Variants in TMEM117 observed in about 807,000 individuals in gnomAD.
The protein encoded by TMEM117 is transmembrane protein 117.
TMEM117 carries 27 observed loss-of-function variants against 52.4 expected under a neutral mutation model. That is an observed-to-expected ratio of 0.51 (90% CI 0.38 to 0.71). The LOEUF (loss-of-function observed/expected upper bound fraction) is 0.71. Among genes scored for constraint, TMEM117 ranks in the 30% least tolerant of loss-of-function variants. The pLI is 0.00. For synonymous variants in TMEM117, 215 were observed against 206.3 expected (o/e 1.04, Z -0.36); for missense variants, 556 against 630.5 (o/e 0.88, Z 1.26).
chr12:43,806,069 G>C, the TMEM117 span: 10 of 1,517,560 alleles, frequency 6.6e-6, no homozygotes, highest in African/African-American at 1.1e-4. Context: ...CGGGAAGCAG[G>C]AGCGCGGAGA....
intron 3 of TMEM117, among the ~76,000 whole-genome samples, chr12:44,046,138 ACT>A (rs750169506): frequency 6.6e-6 from 1 of 152,176 alleles, no homozygotes; most frequent in Non-Finnish European, 1.5e-5. Flanking sequence ...GGCACCACTC[ACT>A]GTCACCCCAG....
At chr12:43,935,305 T>A (rs1944933874) in intron 2 of TMEM117, among the ~76,000 whole-genome samples, 1 of 152,242 alleles carries the variant, frequency 6.6e-6, no homozygotes, top group African/African-American at 2.4e-5. Context: ...TTGTGATGAA[T>A]TCTTAATATA....
In TMEM117 at chr12:44,209,187, A is replaced by G. The variant is rs1949613310; in HGVS notation, c.511-2103A>G. On this transcript the variant is annotated intron_variant, in intron 4 of 7. Coordinates refer to ENST00000266534, the MANE Select transcript of TMEM117 (RefSeq NM_032256.3). ...AATTTCTTCCTCTAGAGAAGTTACG[A>G]TATAAAGCTCTTTTTATACCTAAGA... Among the ~76,000 whole-genome samples the G allele has an allele frequency of 1.3e-5, 2 of 152,154 alleles. 1 individual carries two copies. The highest frequency in any genetic ancestry group is 2.9e-5 in the Non-Finnish European group (2 of 68,008).
At chr12:43,979,572 C>T (rs1945726386) in intron 3 of TMEM117, among the ~76,000 whole-genome samples, 1 of 152,092 alleles carries the variant, frequency 6.6e-6, no homozygotes. Flanking sequence ...TAAAAGCAGT[C>T]TTTTAAGTCA....
At chr12:44,307,257 T>G (rs975910881) in intron 6 of TMEM117, among the ~76,000 whole-genome samples, 1 of 152,154 alleles carries the variant, frequency 6.6e-6, no homozygotes, top group African/African-American at 2.4e-5. Flanking sequence ...TTTTAACAAG[T>G]TGGAATATAT....
chr12:43,961,625 A>G (rs1258815059), intron 3 of TMEM117, among the ~76,000 whole-genome samples: 3 of 152,214 alleles, frequency 2.0e-5, no homozygotes, highest in Non-Finnish European at 4.4e-5. Flanking sequence ...CACAAGTTAT[A>G]TTAACTAAAT....
chr12:44,297,576 A>G (rs1950784327), intron 5 of TMEM117, among the ~76,000 whole-genome samples: 2 of 152,224 alleles, frequency 1.3e-5, no homozygotes, highest in African/African-American at 4.8e-5. Context: ...ATTCCTGTAA[A>G]GTGTATATAT....
chr12:43,863,534 C>A (rs1421130158), intron 2 of TMEM117, among the ~76,000 whole-genome samples: 1 of 152,166 alleles, frequency 6.6e-6, no homozygotes, highest in Non-Finnish European at 1.5e-5. Flanking sequence ...GGACTCAGAG[C>A]ATGGAGTTCA....
chr12:44,128,741 G>T (rs1948367400), intron 3 of TMEM117, among the ~76,000 whole-genome samples: 1 of 152,162 alleles, frequency 6.6e-6, no homozygotes, highest in African/African-American at 2.4e-5. Context: ...TTTTATGTAT[G>T]CCCAGCAGAT....
chr12:43,808,269 C>G, the TMEM117 span, among the ~76,000 whole-genome samples: 1 of 152,206 alleles, frequency 6.6e-6, no homozygotes, highest in Non-Finnish European at 1.5e-5. Context: ...TATGGCTACC[C>G]TACACTTTCC....
rs187013612 is a variant in TMEM117, at chr12:44,218,384, A to G, written c.608+6997A>G. 8.0e-4 allele frequency among the ~76,000 whole-genome samples: 122 copies of G among 152,330 alleles called. No individual in the cohort carries two copies. In the Middle Eastern group the frequency reaches 0.01, roughly 13 times the overall value. On this transcript the variant is annotated intron_variant, in intron 5 of 7. Transcript: ENST00000266534. The stretch of plus-strand genomic sequence containing the variant: ...CACATTAGAGTAACAGAATGAATAA[A>G]AACCACAGTTATCCCAATAGTACAG...
intron 3 of TMEM117, among the ~76,000 whole-genome samples, chr12:44,057,064 A>G (rs997347458): frequency 6.6e-6 from 1 of 152,320 alleles, no homozygotes; most frequent in African/African-American, 2.4e-5. Context: ...TCGGAAAGAA[A>G]CTGCCTTAAA....
chr12:44,051,052 T>G (rs1769146732), intron 3 of TMEM117, among the ~76,000 whole-genome samples: 1 of 152,240 alleles, frequency 6.6e-6, no homozygotes, highest in Non-Finnish European at 1.5e-5. Context: ...TAATAATCTC[T>G]TTATGTGTTA....
Position 44,116,044 on chromosome 12 carries a change from C to T in TMEM117, c.411-27481C>T, listed in dbSNP as rs527567705. On this transcript the variant is annotated intron_variant, in intron 3 of 7. Transcript: ENST00000266534. The stretch of plus-strand genomic sequence containing the variant: ...TCTTTATATGACCCAACTGACTGCA[C>T]GTTAGTATTTTTCTCTTCTCAATCA... Among the ~76,000 whole-genome samples the T allele has an allele frequency of 5.3e-5, 8 of 152,206 alleles. No homozygotes were observed. In the South Asian group the frequency reaches 8.3e-4, roughly 16 times the overall value.
At chr12:44,353,930 C>A (rs1951604795) in intron 6 of TMEM117, among the ~76,000 whole-genome samples, 1 of 152,212 alleles carries the variant, frequency 6.6e-6, no homozygotes, top group African/African-American at 2.4e-5. Context: ...TACCCATGAG[C>A]ATGGAATGTT....
intron 5 of TMEM117, among the ~76,000 whole-genome samples, chr12:44,222,296 G>T (rs1412183128): frequency 6.6e-6 from 1 of 152,094 alleles, no homozygotes; most frequent in African/African-American, 2.4e-5. Context: ...CATCACCTTT[G>T]CATCCTCTTA....
In TMEM117 at chr12:44,388,235, A is replaced by T; in HGVS notation, c.1108A>T (p.Thr370Ser). The T allele has an allele frequency of 6.2e-7, 1 of 1,613,564 alleles. No individual in the cohort carries two copies. Among genetic ancestry groups the T allele is most frequent in the Non-Finnish European group, 8.5e-7 (1 of 1,179,646 alleles). Residue 370 changes from threonine (T) to serine (S), a missense_variant, in exon 8 of 8, where the codon ACT (threonine) becomes TCT (serine). Coordinates refer to ENST00000266534, the MANE Select transcript of TMEM117 (RefSeq NM_032256.3). The stretch of plus-strand genomic sequence containing the variant: ...GAGGTCCAATCACACTAACCCTCGG[A>T]CTAATAAAACATATGTTGAGGGAGA... ...EWRSNHTNPR[T>S]NKTYVEGDMF...
At chr12:44,106,336 G>C (rs766426542) in intron 3 of TMEM117, among the ~76,000 whole-genome samples, 6 of 151,996 alleles carry the variant, frequency 3.9e-5, no homozygotes, top group Non-Finnish European at 7.4e-5. Context: ...CAACAAGGCT[G>C]AGTAACTTGC....
chr12:43,953,123 T>C (rs551853118), intron 3 of TMEM117, among the ~76,000 whole-genome samples: 30 of 152,064 alleles, frequency 2.0e-4, no homozygotes, highest in Non-Finnish European at 4.0e-4. Context: ...CAGGCCTGTC[T>C]TGCATATTTA....
Sources: allele counts gnomAD v4.1 joint callset (sites outside exome capture counted in the v4.1 genomes callset), GRCh38; gene constraint gnomAD v4.1.1; transcripts MANE v1.5; gene names NCBI Gene and HGNC (gene_info 2026-07-23, HGNC 2026-07-21).